The following IQGAP1 variants were observed in gnomAD, a reference collection of about 807,000 sequenced individuals.
The protein encoded by IQGAP1 is ras GTPase-activating-like protein IQGAP1.
Under a neutral mutation model 215.6 loss-of-function variants are expected in IQGAP1, and 66 were observed. The observed-to-expected ratio is 0.31, with a 90% CI of 0.25 to 0.38. IQGAP1 has a LOEUF of 0.38. Ranked by LOEUF, IQGAP1 falls within the 10% of genes least tolerant of loss-of-function variation. The probability of loss-of-function intolerance (pLI) is 1.00; values close to 1 mark genes in which losing one functional copy is unlikely to be tolerated. For missense variants in IQGAP1, 1,712 were observed against 1,997.1 expected, an observed-to-expected ratio of 0.86 and a Z score of 2.72; for synonymous variants, 772 against 728.7, an observed-to-expected ratio of 1.06 and a Z score of -0.96.
chr15:90,449,210 G>A (rs1027461735), intron 10 of IQGAP1, among the ~76,000 whole-genome samples: 2 of 151,080 alleles, frequency 1.3e-5, no homozygotes, highest in African/African-American at 4.9e-5. Flanking sequence ...TTTCTTTTTT[G>A]TCTAAATAAG....
intron 3 of IQGAP1, among the ~76,000 whole-genome samples, chr15:90,428,652 A>T (rs1965260586): frequency 6.6e-6 from 1 of 152,022 alleles, no homozygotes; most frequent in African/African-American, 2.4e-5. Context: ...GCATGGTGAC[A>T]TGCACTCGTA....
intron 3 of IQGAP1, among the ~76,000 whole-genome samples, chr15:90,427,124 A>G (rs1017910872): frequency 2.0e-5 from 3 of 151,950 alleles, no homozygotes; most frequent in Admixed American, 2.0e-4. Flanking sequence ...TTAGCCAGAC[A>G]TGGTCACACA....
chr15:90,494,918 T>G (rs1030954493), intron 36 of IQGAP1, 83 bp downstream of exon 36: 15 of 950,068 alleles, frequency 1.6e-5, no homozygotes, highest in Admixed American at 2.5e-5. Flanking sequence ...CATTTCTCTT[T>G]TCTGGATGGT....
intron 28 of IQGAP1, 45 bp from the exon 29 acceptor site, chr15:90,483,313 TTGG>T: frequency 7.3e-7 from 1 of 1,378,562 alleles, no homozygotes; most frequent in Non-Finnish European, 1.0e-6. Flanking sequence ...TATAGCTTCC[TTGG>T]TGGTATGTCT....
intron 18 of IQGAP1, among the ~76,000 whole-genome samples, chr15:90,470,567 A>G (rs1205280802): frequency 6.6e-6 from 1 of 152,068 alleles, no homozygotes; most frequent in Non-Finnish European, 1.5e-5. Context: ...AAATAATAAT[A>G]CAAAATTTTT....
intron 4 of IQGAP1, 126 bp from the exon 5 acceptor site, chr15:90,433,593 G>C: frequency 2.1e-6 from 1 of 486,226 alleles, no homozygotes; most frequent in African/African-American, 2.0e-5. Flanking sequence ...TGCCACCGAT[G>C]TTTTCTAAGA....
At chr15:90,406,736 A>C (rs1403832276) in intron 2 of IQGAP1, among the ~76,000 whole-genome samples, 1 of 152,208 alleles carries the variant, frequency 6.6e-6, no homozygotes, top group Non-Finnish European at 1.5e-5. Context: ...TAGTTAATAT[A>C]TTGTAAGGCA....
chr15:90,475,379 C>T (rs1965964848), intron 23 of IQGAP1, among the ~76,000 whole-genome samples: 1 of 151,920 alleles, frequency 6.6e-6, no homozygotes, highest in South Asian at 2.1e-4. Flanking sequence ...GTGATTGATC[C>T]ACTCACCTTG....
At chr15:90,488,672 G>A (rs983336170) in intron 33 of IQGAP1, among the ~76,000 whole-genome samples, 1 of 152,142 alleles carries the variant, frequency 6.6e-6, no homozygotes, top group African/African-American at 2.4e-5. Flanking sequence ...GGCCAGTGAA[G>A]CAGTGCATTA....
chr15:90,498,852 C>A, intron 37 of IQGAP1, among the ~76,000 whole-genome samples: 1 of 151,684 alleles, frequency 6.6e-6, no homozygotes, highest in Admixed American at 6.6e-5. Context: ...TCTTATTGCC[C>A]AAGCTGCAGT....
At chr15:90,436,531 G>A (rs1192984266) in intron 5 of IQGAP1, among the ~76,000 whole-genome samples, 1 of 152,170 alleles carries the variant, frequency 6.6e-6, no homozygotes, top group Admixed American at 6.5e-5. Context: ...TCACAGAAAA[G>A]ATAATTAGAA....
chr15:90,496,356 C>A (rs1348770408), intron 36 of IQGAP1, among the ~76,000 whole-genome samples: 4 of 124,684 alleles, frequency 3.2e-5, no homozygotes, highest in African/African-American at 1.4e-4. Flanking sequence ...CTCGCCCTAT[C>A]ACCAGACTGG....
chr15:90,444,282 TA>T (rs1567128238), intron 9 of IQGAP1, among the ~76,000 whole-genome samples: 2,824 of 97,420 alleles, frequency 0.029, 110 homozygotes, highest in African/African-American at 0.14. Context: ...TGTGTGTGTA[TA>T]TATATATTTT....
chr15:90,456,300 G>A lies in IQGAP1; in HGVS notation c.1761G>A (p.Lys587=), dbSNP rs759904802. Residue 587 remains lysine (K), a synonymous_variant, in exon 15 of 38, where the codon AAG becomes AAA. Coordinates refer to ENST00000268182, the MANE Select transcript of IQGAP1 (RefSeq NM_003870.4). ...ACCAAGACACGCTGATTAGAGCGAA[G>A]AGAGAGAAAGCCCAGGTGAGTGGCA... is the stretch of plus-strand genomic sequence containing the variant. ...QHYQDTLIRA[K]REKAQEIQDE... The A allele has an allele frequency of 1.9e-6, 3 of 1,613,956 alleles. No individual in the cohort carries two copies. The highest frequency in any genetic ancestry group is 2.5e-6 in the Non-Finnish European group (3 of 1,179,920).
At chr15:90,485,961 T>G in intron 30 of IQGAP1, 69 bp from the exon 31 acceptor site, 1 of 1,168,344 alleles carries the variant, frequency 8.6e-7, no homozygotes. Context: ...AGATCATTGT[T>G]AGACATTCTA....
Position 90,440,606 on chromosome 15 carries a change from G to T in IQGAP1, c.640G>T (p.Glu214Ter). Residue 214 changes from glutamate to a stop codon, truncating the protein, a stop_gained, in exon 7 of 38, where the codon GAA (glutamate) becomes TAA (stop). Transcript: ENST00000268182. LOFTEE classifies it high-confidence loss of function. ...CTTGGCTAATGAACTGTCAGTGGAT[G>T]AAGCCGCATGTAAGAAGAGAGAAAT... is the stretch of plus-strand genomic sequence containing the variant. ...GILANELSVD[E>*]AALHAAVIAI... 1 of 1,558,634 alleles carries T rather than the reference G, an allele frequency of 6.4e-7. No homozygotes were observed. The highest frequency in any genetic ancestry group is 8.7e-7 in the Non-Finnish European group (1 of 1,149,434).
intron 2 of IQGAP1, among the ~76,000 whole-genome samples, chr15:90,410,847 A>T (rs914349269): frequency 1.1e-4 from 11 of 97,350 alleles, no homozygotes; most frequent in African/African-American, 5.1e-4. Context: ...GTATAATAAA[A>T]AAAAAAAAAA....
At chr15:90,390,520 G>T (rs546932527) in intron 1 of IQGAP1, among the ~76,000 whole-genome samples, 1 of 152,216 alleles carries the variant, frequency 6.6e-6, no homozygotes, top group Non-Finnish European at 1.5e-5. Context: ...TCTCAAGACA[G>T]TATTTTTCAA....
intron 19 of IQGAP1, 28 bp from the exon 20 acceptor site, chr15:90,473,687 T>C: frequency 1.3e-6 from 2 of 1,504,016 alleles, no homozygotes; most frequent in South Asian, 1.1e-5. Context: ...GGAAGTAATA[T>C]GTCTTCTGTA....
Sources: allele counts gnomAD v4.1 joint callset (sites outside exome capture counted in the v4.1 genomes callset), GRCh38; gene constraint gnomAD v4.1.1; transcripts MANE v1.5; gene names NCBI Gene and HGNC (gene_info 2026-07-23, HGNC 2026-07-21).